ANOS1: variants seen among roughly 807,000 people sequenced by gnomAD.
The protein encoded by ANOS1 is anosmin-1.
ANOS1 carries 6 observed loss-of-function variants against 59.0 expected under a neutral mutation model. The ratio of observed to expected loss-of-function variants is 0.10; its 90% CI spans 0.06 to 0.20. The LOEUF (loss-of-function observed/expected upper bound fraction) is 0.20. Among genes scored for constraint, ANOS1 ranks in the 10% least tolerant of loss-of-function variants. The pLI, the probability that ANOS1 is intolerant of heterozygous loss-of-function variation, is 1.00. For missense variants in ANOS1, 433 were observed against 542.3 expected (o/e 0.80, Z 2.00); for synonymous variants, 217 against 223.4 (o/e 0.97, Z 0.25).
At chrX:8,574,429 C>A (rs140751533) in intron 6 of ANOS1, among the ~76,000 whole-genome samples, 1 of 110,582 alleles carries the variant, frequency 9.0e-6, no homozygotes, top group Non-Finnish European at 1.9e-5. Flanking sequence ...AAGTGTTGAT[C>A]TTGGGTATGT....
chrX:8,553,598 CT>C (rs761187873), intron 9 of ANOS1, among the ~76,000 whole-genome samples: 1 of 111,327 alleles, frequency 9.0e-6, no homozygotes, highest in East Asian at 2.8e-4. Context: ...CTTTCCCCCC[CT>C]ACTTTCTAAA....
chrX:8,726,180 T>C (rs1252060281), intron 1 of ANOS1, among the ~76,000 whole-genome samples: 1 of 111,442 alleles, frequency 9.0e-6, no homozygotes, highest in African/African-American at 3.3e-5. Flanking sequence ...GGGGTTTTGA[T>C]GCGCTAATTG....
intron 9 of ANOS1, among the ~76,000 whole-genome samples, chrX:8,550,515 C>T (rs768300182): frequency 2.7e-5 from 3 of 110,680 alleles, no homozygotes; most frequent in Admixed American, 1.9e-4. Flanking sequence ...TATAAAAATG[C>T]AAAAGGCCAG....
At chrX:8,679,118 A>G (rs1286822733) in intron 2 of ANOS1, among the ~76,000 whole-genome samples, 1 of 111,902 alleles carries the variant, frequency 8.9e-6, no homozygotes, top group Non-Finnish European at 1.9e-5. Context: ...GGCCTTTCCA[A>G]TGGATAAACA....
At chrX:8,571,324 T>C (rs58648693) in intron 6 of ANOS1, among the ~76,000 whole-genome samples, 3,354 of 110,856 alleles carry the variant, frequency 0.03, 165 homozygotes, top group African/African-American at 0.1. Flanking sequence ...CATATTTTAG[T>C]AAAATATAGT....
At position 8,582,269 on chromosome X, in the gene ANOS1, T is replaced by C. The variant is rs183765728; in HGVS notation, c.856+2998A>G. On this transcript the variant is annotated intron_variant, in intron 6 of 13. Coordinates refer to ENST00000262648, the MANE Select transcript of ANOS1 (RefSeq NM_000216.4). Reference sequence around the variant, plus strand: ...TGTTTGCTTACACATATAAGTAGCATGGCTAAAGATGGTTTTGCTGGAATA... The same window carrying C: ...TGTTTGCTTACACATATAAGTAGCACGGCTAAAGATGGTTTTGCTGGAATA... Among the ~76,000 whole-genome samples the C allele has an allele frequency of 3.0e-3, 338 of 112,631 alleles. 3 individuals are homozygous for C. The highest frequency in any genetic ancestry group is 0.01 in the African/African-American group (317 of 31,047).
At chrX:8,692,196 A>G (rs1426288543) in intron 2 of ANOS1, among the ~76,000 whole-genome samples, 1 of 111,790 alleles carries the variant, frequency 8.9e-6, no homozygotes, top group African/African-American at 3.2e-5. Flanking sequence ...TAAGTAAAAT[A>G]TTATAATGTA....
chrX:8,619,370 C>T (rs1336650388), intron 3 of ANOS1, among the ~76,000 whole-genome samples: 3 of 111,618 alleles, frequency 2.7e-5, no homozygotes, highest in African/African-American at 6.5e-5. Flanking sequence ...CTTTGGGAGG[C>T]CAAGGCGGGC....
At chrX:8,668,033 A>T (rs757429063) in intron 2 of ANOS1, among the ~76,000 whole-genome samples, 2 of 107,997 alleles carry the variant, frequency 1.9e-5, no homozygotes, top group Admixed American at 9.9e-5. Context: ...GTATTTTTAA[A>T]TTTTTTTTTT....
chrX:8,699,551 A>G, intron 2 of ANOS1, 147 bp downstream of exon 2: 1 of 394,493 alleles, frequency 2.5e-6, no homozygotes, highest in South Asian at 3.6e-5. Flanking sequence ...TGCTTTTGAT[A>G]TTGTTTACAA....
intron 1 of ANOS1, among the ~76,000 whole-genome samples, chrX:8,710,508 C>T (rs762134051): frequency 3.6e-5 from 4 of 112,001 alleles, no homozygotes; most frequent in African/African-American, 1.3e-4. Flanking sequence ...AGCATTCTGA[C>T]TCAGATGATA....
chrX:8,567,294 A>G (rs1440900530), intron 8 of ANOS1, among the ~76,000 whole-genome samples: 2 of 111,898 alleles, frequency 1.8e-5, no homozygotes, highest in African/African-American at 6.5e-5. Context: ...ACTTCACTCA[A>G]TGGAGTATTA....
chrX:8,648,050 G>C (rs1403346885), intron 2 of ANOS1, among the ~76,000 whole-genome samples: 1 of 112,254 alleles, frequency 8.9e-6, no homozygotes, highest in Non-Finnish European at 1.9e-5. Flanking sequence ...TTGATAAACT[G>C]TACAAATATT....
chrX:8,533,912 C>G (rs1270892292), intron 13 of ANOS1, among the ~76,000 whole-genome samples: 1 of 84,409 alleles, frequency 1.2e-5, no homozygotes, highest in African/African-American at 4.4e-5. Context: ...GTTTAAAAGA[C>G]AAGGAAAAAA....
chrX:8,679,894 T>C lies in ANOS1; in HGVS notation c.255+19804A>G, dbSNP rs1267268020. On this transcript the variant is annotated intron_variant, in intron 2 of 13. Coordinates refer to ENST00000262648, the MANE Select transcript of ANOS1 (RefSeq NM_000216.4). Reference sequence around the variant, plus strand: ...GTCTAACCAACTAAATTGTGAATACTGAAGCTCAGTAATCCCAGCACTTTG... The same window carrying C: ...GTCTAACCAACTAAATTGTGAATACCGAAGCTCAGTAATCCCAGCACTTTG... 4.5e-5 allele frequency among the ~76,000 whole-genome samples: 5 copies of C among 110,907 alleles called. No homozygotes were observed. The East Asian group carries it at 1.4e-3, about 31-fold the overall frequency.
At chrX:8,676,891 C>T (rs1005632008) in intron 2 of ANOS1, among the ~76,000 whole-genome samples, 3 of 111,627 alleles carry the variant, frequency 2.7e-5, no homozygotes, top group Non-Finnish European at 5.6e-5. Flanking sequence ...TAAGACAGAG[C>T]CTGTCTATGG....
In ANOS1 at chrX:8,680,530, T is replaced by C. The variant is rs16985107; in HGVS notation, c.255+19168A>G. ...GTGTTTTTGTTGGTGAGGAAAAGTTTTAGAGTTGTCGATCAGATGATATCC... is the reference window on the plus strand; with the variant it reads ...GTGTTTTTGTTGGTGAGGAAAAGTTCTAGAGTTGTCGATCAGATGATATCC... On this transcript the variant is annotated intron_variant, in intron 2 of 13. Transcript: ENST00000262648. 8.2e-3 allele frequency among the ~76,000 whole-genome samples: 921 copies of C among 111,670 alleles called. 11 individuals are homozygous for C. The highest frequency in any genetic ancestry group is 0.027 in the African/African-American group (842 of 30,764).
At chrX:8,588,831 A>C (rs2146820280) in intron 4 of ANOS1, among the ~76,000 whole-genome samples, 1 of 112,673 alleles carries the variant, frequency 8.9e-6, no homozygotes, top group South Asian at 3.7e-4. Context: ...TAATACTAAT[A>C]GAATATGCAA....
intron 3 of ANOS1, among the ~76,000 whole-genome samples, chrX:8,603,016 G>T (rs1295612838): frequency 8.9e-6 from 1 of 112,050 alleles, no homozygotes; most frequent in African/African-American, 3.2e-5. Context: ...TGGGATTACA[G>T]GCGTGAGCCA....
Sources: allele counts gnomAD v4.1 joint callset (sites outside exome capture counted in the v4.1 genomes callset), GRCh38; gene constraint gnomAD v4.1.1; transcripts MANE v1.5; gene names NCBI Gene and HGNC (gene_info 2026-07-23, HGNC 2026-07-21).